The following PIK3C2G variants were observed in gnomAD, a reference collection of about 807,000 sequenced individuals.
PIK3C2G encodes the protein phosphatidylinositol 3-kinase C2 domain-containing subunit gamma.
Under a neutral mutation model 181.1 loss-of-function variants are expected in PIK3C2G, and 168 were observed. That is an observed-to-expected ratio of 0.93 (90% CI 0.82 to 1.05). The LOEUF (loss-of-function observed/expected upper bound fraction) is 1.05. Ranked by LOEUF, PIK3C2G falls within the 50% of genes least tolerant of loss-of-function variation. PIK3C2G has a pLI of 0.00. For missense variants in PIK3C2G, 1,869 were observed against 1,732.8 expected, an observed-to-expected ratio of 1.08 and a Z score of -1.40; for synonymous variants, 573 against 592.2, an observed-to-expected ratio of 0.97 and a Z score of 0.47.
chr12:18,347,860 T>C (rs1421392382), intron 11 of PIK3C2G, among the ~76,000 whole-genome samples: 1 of 152,032 alleles, frequency 6.6e-6, no homozygotes, highest in Non-Finnish European at 1.5e-5. Context: ...TTGATCTGTA[T>C]TTTTTAAAAA....
chr12:18,320,440 T>C (rs779698240), intron 6 of PIK3C2G, among the ~76,000 whole-genome samples: 5 of 152,218 alleles, frequency 3.3e-5, no homozygotes, highest in African/African-American at 4.8e-5. Context: ...CTAACATTTA[T>C]ACCTACCAGT....
At chr12:18,650,389 G>A (rs1237172028), downstream of PIK3C2G, among the ~76,000 whole-genome samples, 1 of 130,090 alleles carries the variant, frequency 7.7e-6, no homozygotes, top group African/African-American at 3.2e-5. Context: ...GTGTGTCTGT[G>A]TATACACACA....
chr12:18,639,334 T>C (rs776075935), intron 31 of PIK3C2G, among the ~76,000 whole-genome samples: 4 of 152,118 alleles, frequency 2.6e-5, no homozygotes, highest in Non-Finnish European at 5.9e-5. Flanking sequence ...CTAATGGAGC[T>C]GGGTGTGGGG....
At chr12:18,699,443 C>G in the PIK3C2G span, among the ~76,000 whole-genome samples, 1 of 152,158 alleles carries the variant, frequency 6.6e-6, no homozygotes, top group Non-Finnish European at 1.5e-5. Flanking sequence ...TGCGCACCTT[C>G]GCTTCCAGGA....
the PIK3C2G span, among the ~76,000 whole-genome samples, chr12:18,658,404 A>G: frequency 6.6e-6 from 1 of 152,302 alleles, no homozygotes; most frequent in East Asian, 1.9e-4. Flanking sequence ...TCAAACTGTC[A>G]AAAGCAAAAG....
At chr12:18,472,923 C>T (rs1004975998) in intron 18 of PIK3C2G, among the ~76,000 whole-genome samples, 5 of 152,150 alleles carry the variant, frequency 3.3e-5, no homozygotes, top group African/African-American at 1.2e-4. Context: ...TGGTCACAAA[C>T]TCCTGACCTC....
intron 22 of PIK3C2G, among the ~76,000 whole-genome samples, chr12:18,500,792 G>T (rs910759577): frequency 2.0e-5 from 3 of 152,128 alleles, no homozygotes; most frequent in Admixed American, 6.5e-5. Context: ...CTTCCACACT[G>T]TGGAAGCTTT....
At chr12:18,584,141 C>T (rs1260597487) in intron 29 of PIK3C2G, among the ~76,000 whole-genome samples, 1 of 151,634 alleles carries the variant, frequency 6.6e-6, no homozygotes, top group Non-Finnish European at 1.5e-5. Flanking sequence ...CATTCTCCTG[C>T]CCCAGCCTCC....
the PIK3C2G span, among the ~76,000 whole-genome samples, chr12:18,660,892 G>A: frequency 1.3e-5 from 2 of 151,946 alleles, no homozygotes. Context: ...AGTCAAAGAA[G>A]TAAAGGAAGA....
At chr12:18,671,437 C>T in the PIK3C2G span, among the ~76,000 whole-genome samples, 1 of 152,126 alleles carries the variant, frequency 6.6e-6, no homozygotes, top group East Asian at 1.9e-4. Context: ...CTGTGTGTGA[C>T]TGCGTCAGCA....
rs3055216 is a variant in PIK3C2G at position 18,615,330 on chromosome 12, G to GGTGTGTGT, written c.4182+5734_4182+5741dup. On this transcript the variant is annotated intron_variant, in intron 31 of 32. Transcript: ENST00000538779. ...TTTTTATGGCTGAGTAGTATTCCAC[G>GGTGTGTGT]GTGTGTGTGTGTGTGTGTGTGTGTG... Among the ~76,000 whole-genome samples the GGTGTGTGT allele has an allele frequency of 7.1e-3, 982 of 138,194 alleles. 11 individuals are homozygous for GGTGTGTGT. The highest frequency in any genetic ancestry group is 0.024 in the African/African-American group (884 of 36,134). 90.7% of individuals were successfully genotyped at this position (138,194 alleles called of 152,430 possible).
chr12:18,572,454 T>C (rs1946004148), intron 29 of PIK3C2G, among the ~76,000 whole-genome samples: 2 of 150,154 alleles, frequency 1.3e-5, no homozygotes, highest in African/African-American at 2.4e-5. Flanking sequence ...GCTATATCCA[T>C]ATATCTGCTG....
chr12:18,579,994 G>A (rs560011927), intron 29 of PIK3C2G, among the ~76,000 whole-genome samples: 180 of 152,030 alleles, frequency 1.2e-3, no homozygotes, highest in South Asian at 2.3e-3. Flanking sequence ...TTAGCCAGGC[G>A]TGGTGGCGCG....
chr12:18,339,790 A>T (rs1938949402), intron 9 of PIK3C2G, among the ~76,000 whole-genome samples: 1 of 152,164 alleles, frequency 6.6e-6, no homozygotes, highest in African/African-American at 2.4e-5. Flanking sequence ...AGAAATTTAA[A>T]TACGTTCTTT....
intron 31 of PIK3C2G, among the ~76,000 whole-genome samples, chr12:18,620,836 T>C (rs1271834319): frequency 1.3e-5 from 2 of 152,102 alleles, no homozygotes; most frequent in African/African-American, 2.4e-5. Flanking sequence ...CATATTCACA[T>C]TATTGACACA....
intron 9 of PIK3C2G, among the ~76,000 whole-genome samples, chr12:18,343,023 C>T (rs1939286217): frequency 1.3e-5 from 2 of 151,984 alleles, no homozygotes; most frequent in Admixed American, 6.6e-5. Flanking sequence ...TAGAAATGCA[C>T]TTTTATCAAA....
chr12:18,444,311 TC>T (rs1311293191), intron 18 of PIK3C2G, among the ~76,000 whole-genome samples: 1 of 152,202 alleles, frequency 6.6e-6, no homozygotes, highest in Admixed American at 6.5e-5. Flanking sequence ...AATTTCCAAC[TC>T]TGCTGAAATC....
At chr12:18,710,160 GTC>G in the PIK3C2G span, among the ~76,000 whole-genome samples, 1 of 147,720 alleles carries the variant, frequency 6.8e-6, no homozygotes, top group African/African-American at 2.5e-5. Context: ...ATTGCATTTT[GTC>G]TCTTTTTCTT....
intron 3 of PIK3C2G, among the ~76,000 whole-genome samples, chr12:18,289,703 C>T (rs376932640): frequency 2.0e-5 from 3 of 152,178 alleles, no homozygotes; most frequent in African/African-American, 4.8e-5. Flanking sequence ...GATACAGATG[C>T]ATGCCAGGCC....
Sources: allele counts gnomAD v4.1 joint callset (sites outside exome capture counted in the v4.1 genomes callset), GRCh38; gene constraint gnomAD v4.1.1; transcripts MANE v1.5; gene names NCBI Gene and HGNC (gene_info 2026-07-23, HGNC 2026-07-21).